LUZP2: variants seen among roughly 807,000 people sequenced by gnomAD.
The protein encoded by LUZP2 is leucine zipper protein 2.
Under a neutral mutation model 51.6 loss-of-function variants are expected in LUZP2, and 52 were observed. The observed-to-expected ratio is 1.01, with a 90% CI of 0.81 to 1.27. The LOEUF (loss-of-function observed/expected upper bound fraction) is 1.27. Ranked by LOEUF, LUZP2 falls within the 50% of genes most tolerant of loss-of-function variation. The probability of loss-of-function intolerance (pLI) is 0.00; values close to 1 mark genes in which losing one functional copy is unlikely to be tolerated. For synonymous variants in LUZP2, 154 were observed against 137.3 expected, an observed-to-expected ratio of 1.12 and a Z score of -0.85; for missense variants, 436 against 395.4, an observed-to-expected ratio of 1.10 and a Z score of -0.87.
chr11:24,938,745 G>T (rs1854660986), intron 7 of LUZP2, among the ~76,000 whole-genome samples: 2 of 152,072 alleles, frequency 1.3e-5, no homozygotes, highest in African/African-American at 4.8e-5. Flanking sequence ...GGATTTTAAT[G>T]GTAGTCTGCA....
At chr11:25,049,932 A>G in intron 9 of LUZP2, 106 bp from the exon 10 acceptor site, 1 of 498,194 alleles carries the variant, frequency 2.0e-6, no homozygotes, top group East Asian at 3.3e-5. Flanking sequence ...TGTTGCTATA[A>G]TATTATATCA....
chr11:24,912,995 G>A (rs369757234), intron 6 of LUZP2, among the ~76,000 whole-genome samples: 17 of 152,148 alleles, frequency 1.1e-4, no homozygotes, highest in South Asian at 8.3e-4. Flanking sequence ...GTGACATAAG[G>A]ATCATGGGTT....
At chr11:24,516,066 T>C (rs1366117069) in intron 1 of LUZP2, among the ~76,000 whole-genome samples, 3 of 152,188 alleles carry the variant, frequency 2.0e-5, no homozygotes, top group African/African-American at 7.2e-5. Context: ...TGACTAGTTA[T>C]GTGATTTTGG....
At chr11:24,714,464 A>G (rs1857960356) in intron 1 of LUZP2, among the ~76,000 whole-genome samples, 2 of 152,304 alleles carry the variant, frequency 1.3e-5, no homozygotes, top group Non-Finnish European at 2.9e-5. Context: ...GGGAAAGTGT[A>G]TGCCAAGAAC....
chr11:24,684,440 T>C (rs1015194183), intron 1 of LUZP2, among the ~76,000 whole-genome samples: 1 of 152,176 alleles, frequency 6.6e-6, no homozygotes, highest in African/African-American at 2.4e-5. Context: ...TAGTGTTCCT[T>C]CTGTCCTACA....
At chr11:24,708,528 A>G (rs374580580) in intron 1 of LUZP2, among the ~76,000 whole-genome samples, 9 of 152,070 alleles carry the variant, frequency 5.9e-5, no homozygotes, top group African/African-American at 2.2e-4. Context: ...ATGCTGGCAG[A>G]CTCTGTGTGC....
At chr11:24,564,595 C>A (rs1025324897) in intron 1 of LUZP2, among the ~76,000 whole-genome samples, 1 of 152,032 alleles carries the variant, frequency 6.6e-6, no homozygotes, top group Non-Finnish European at 1.5e-5. Flanking sequence ...ATGCCCCAAG[C>A]CAGAAACCCA....
intron 1 of LUZP2, among the ~76,000 whole-genome samples, chr11:24,706,426 C>T (rs527771788): frequency 7.2e-5 from 11 of 152,262 alleles, no homozygotes. Flanking sequence ...AATCCAGTGT[C>T]TATTTCCTGT....
intron 4 of LUZP2, among the ~76,000 whole-genome samples, chr11:24,747,314 C>G (rs1246083146): frequency 1.3e-5 from 2 of 152,114 alleles, no homozygotes; most frequent in African/African-American, 2.4e-5. Context: ...ATTGTGATCT[C>G]TCTTCTGGGT....
intron 4 of LUZP2, chr11:24,751,486 T>C (rs1369806453): frequency 8.7e-6 from 5 of 575,796 alleles, no homozygotes; most frequent in Non-Finnish European, 1.1e-5. Context: ...GCCTCTCCTG[T>C]CATCAAGGTA....
intron 1 of LUZP2, among the ~76,000 whole-genome samples, chr11:24,558,854 T>C (rs1309824556): frequency 6.6e-6 from 1 of 152,166 alleles, no homozygotes; most frequent in East Asian, 1.9e-4. Context: ...CAGCCCTCAC[T>C]AGACATTGAA....
At chr11:24,627,723 G>A (rs1039817969) in intron 1 of LUZP2, among the ~76,000 whole-genome samples, 1 of 152,140 alleles carries the variant, frequency 6.6e-6, no homozygotes, top group Non-Finnish European at 1.5e-5. Flanking sequence ...CAATTCCAGT[G>A]TTTGAAGCTG....
At chr11:24,958,115 G>C (rs1855265451) in intron 7 of LUZP2, among the ~76,000 whole-genome samples, 1 of 152,152 alleles carries the variant, frequency 6.6e-6, no homozygotes, top group African/African-American at 2.4e-5. Context: ...GTATTCCATG[G>C]TGTATATGTG....
chr11:24,553,086 G>A lies in LUZP2; in HGVS notation c.62+55781G>A, dbSNP rs943136791. Among the ~76,000 whole-genome samples the A allele has an allele frequency of 1.9e-4, 28 of 151,338 alleles. 1 individual carries two copies. Among genetic ancestry groups the A allele is most frequent in the Admixed American group, 1.4e-3 (21 of 15,128 alleles). On this transcript the variant is annotated intron_variant, in intron 1 of 11. Transcript: ENST00000336930. ...CAATAATAACTGTTACGTTATTTTT[G>A]CAAAGACAATTGAGTCAATGGGAAA...
intron 1 of LUZP2, among the ~76,000 whole-genome samples, chr11:24,652,032 T>C (rs1237240586): frequency 6.8e-6 from 1 of 146,174 alleles, no homozygotes; most frequent in Admixed American, 6.8e-5. Context: ...TATATAGATA[T>C]ATGTGTGTAC....
At chr11:24,781,299 T>C (rs1274325702) in intron 5 of LUZP2, among the ~76,000 whole-genome samples, 1 of 152,070 alleles carries the variant, frequency 6.6e-6, no homozygotes, top group Non-Finnish European at 1.5e-5. Flanking sequence ...TTTTGTCCCC[T>C]TTTTCCTCCT....
chr11:24,652,989 G>T (rs1212194423), intron 1 of LUZP2, among the ~76,000 whole-genome samples: 1 of 152,128 alleles, frequency 6.6e-6, no homozygotes, highest in Non-Finnish European at 1.5e-5. Context: ...ATTTAGAATT[G>T]TGTCAAAGGT....
intron 5 of LUZP2, among the ~76,000 whole-genome samples, chr11:24,863,990 A>C (rs1851814722): frequency 6.7e-6 from 1 of 149,974 alleles, no homozygotes; most frequent in South Asian, 2.1e-4. Flanking sequence ...TTTAGTGGAA[A>C]AAATAATAAA....
At chr11:24,548,570 C>T (rs910021986) in intron 1 of LUZP2, among the ~76,000 whole-genome samples, 5 of 151,724 alleles carry the variant, frequency 3.3e-5, no homozygotes, top group African/African-American at 9.7e-5. Context: ...GGTGTGAGGA[C>T]GATGAGAATT....
Sources: allele counts gnomAD v4.1 joint callset (sites outside exome capture counted in the v4.1 genomes callset), GRCh38; gene constraint gnomAD v4.1.1; transcripts MANE v1.5; gene names NCBI Gene and HGNC (gene_info 2026-07-23, HGNC 2026-07-21).